RNF144A: variants seen among roughly 807,000 people sequenced by gnomAD.
RNF144A encodes ring finger protein 144A.
Under a neutral mutation model 38.7 loss-of-function variants are expected in RNF144A, and 11 were observed. That is an observed-to-expected ratio of 0.28 (90% CI 0.18 to 0.47). RNF144A has a LOEUF of 0.47. Among genes scored for constraint, RNF144A ranks in the 20% least tolerant of loss-of-function variants. The pLI is 0.99. For missense variants in RNF144A, 316 were observed against 377.2 expected (o/e 0.84, Z 1.34); for synonymous variants, 149 against 143.9 (o/e 1.04, Z -0.25).
At chr2:7,021,961 C>T (rs1220577529) in intron 6 of RNF144A, among the ~76,000 whole-genome samples, 6 of 152,244 alleles carry the variant, frequency 3.9e-5, no homozygotes, top group Non-Finnish European at 8.8e-5. Context: ...AATCAAAATT[C>T]AGAAATCTCA....
rs563495775 is a variant in RNF144A at position 7,019,789 on chromosome 2, A to G, written c.302-684A>G. 7.2e-5 allele frequency among the ~76,000 whole-genome samples: 11 copies of G among 152,374 alleles called. No individual in the cohort carries two copies. In the East Asian group the frequency reaches 2.1e-3, roughly 29 times the overall value. ...GTCAAAGTGTCTTGTTTTTAGAAAT[A>G]AACTTTGTGGCTAATTCCATTAAAT... On this transcript the variant is annotated intron_variant, in intron 5 of 8. Transcript: ENST00000320892.
chr2:6,936,895 C>T (rs956048010), intron 1 of RNF144A, among the ~76,000 whole-genome samples: 5 of 143,896 alleles, frequency 3.5e-5, no homozygotes, highest in African/African-American at 7.5e-5. Flanking sequence ...GGGCCAGGTG[C>T]GGTCTATAGG....
At chr2:6,976,497 C>T (rs1462779674) in intron 2 of RNF144A, among the ~76,000 whole-genome samples, 2 of 151,456 alleles carry the variant, frequency 1.3e-5, no homozygotes, top group Middle Eastern at 3.4e-3. Context: ...ATACATTTTG[C>T]AATGTTTTTC....
At chr2:7,017,085 G>A (rs1671186457) in intron 5 of RNF144A, among the ~76,000 whole-genome samples, 1 of 152,136 alleles carries the variant, frequency 6.6e-6, no homozygotes, top group Non-Finnish European at 1.5e-5. Flanking sequence ...AGGGGGTGTG[G>A]ATGCCTCTTG....
rs114811826 is a variant in RNF144A, at chr2:6,979,025, G to A, written c.-11-17891G>A. Among the ~76,000 whole-genome samples, 108 of 152,334 alleles carry A rather than the reference G, an allele frequency of 7.1e-4. 1 individual carries two copies. The highest frequency in any genetic ancestry group is 2.5e-3 in the African/African-American group (104 of 41,586). ...AGCTCATCTGCACTTGGTGGTCTCT[G>A]CAGCCAGGGTCAGAAAGTAGAGAGA... On this transcript the variant is annotated intron_variant, in intron 2 of 8. Coordinates refer to ENST00000320892, the MANE Select transcript of RNF144A (RefSeq NM_014746.6).
At chr2:6,930,568 T>C (rs1223301213) in intron 1 of RNF144A, among the ~76,000 whole-genome samples, 2 of 152,008 alleles carry the variant, frequency 1.3e-5, no homozygotes, top group Admixed American at 1.3e-4. Flanking sequence ...TCTATCTGTA[T>C]ATACATACAT....
chr2:7,001,412 C>A (rs1446152145), intron 3 of RNF144A, among the ~76,000 whole-genome samples: 1 of 152,062 alleles, frequency 6.6e-6, no homozygotes, highest in Non-Finnish European at 1.5e-5. Context: ...CACAGTGTCT[C>A]CTGCCTGTAA....
rs557515138 is a variant in RNF144A at position 6,994,638 on chromosome 2, A to T, written c.-11-2278A>T. Reference sequence around the variant, plus strand: ...GCCGTGTGACGCCTCCAATTATCTCACTCCTCAGGACCCACCAGCTTGAGG... The same window carrying T: ...GCCGTGTGACGCCTCCAATTATCTCTCTCCTCAGGACCCACCAGCTTGAGG... On this transcript the variant is annotated intron_variant, in intron 2 of 8. Transcript: ENST00000320892. Among the ~76,000 whole-genome samples the T allele has an allele frequency of 5.9e-5, 9 of 151,856 alleles. No individual in the cohort carries two copies. In the East Asian group the frequency reaches 1.7e-3, roughly 29 times the overall value.
chr2:7,012,047 C>T (rs771236903), intron 3 of RNF144A, among the ~76,000 whole-genome samples: 1 of 152,068 alleles, frequency 6.6e-6, no homozygotes, highest in Non-Finnish European at 1.5e-5. Flanking sequence ...TCTTAGGATG[C>T]GTCATGTTTT....
intron 6 of RNF144A, 51 bp downstream of exon 6, chr2:7,020,731 A>T: frequency 1.9e-6 from 3 of 1,539,424 alleles, no homozygotes; most frequent in Non-Finnish European, 2.7e-6. Flanking sequence ...GGGCCAGGAG[A>T]AGCAGGCATG....
At chr2:6,922,835 A>C (rs1664628310) in intron 1 of RNF144A, among the ~76,000 whole-genome samples, 1 of 152,134 alleles carries the variant, frequency 6.6e-6, no homozygotes, top group Non-Finnish European at 1.5e-5. Flanking sequence ...TGTGTTAGCC[A>C]GGATGGTGTT....
chr2:7,053,287 C>T (rs1673599207), intron 6 of RNF144A, among the ~76,000 whole-genome samples: 1 of 152,150 alleles, frequency 6.6e-6, no homozygotes, highest in African/African-American at 2.4e-5. Context: ...TTCAGAAGAT[C>T]CCCAGGTGAC....
intron 3 of RNF144A, among the ~76,000 whole-genome samples, chr2:7,013,972 G>A (rs1670977010): frequency 6.6e-6 from 1 of 152,200 alleles, no homozygotes; most frequent in African/African-American, 2.4e-5. Flanking sequence ...TACTATTTGT[G>A]TAAGTTGGCA....
At chr2:7,055,422 C>G (rs956882064) in intron 6 of RNF144A, among the ~76,000 whole-genome samples, 1 of 152,196 alleles carries the variant, frequency 6.6e-6, no homozygotes, top group Non-Finnish European at 1.5e-5. Context: ...CTACTCCTTC[C>G]CTGCAGCTCC....
chr2:6,954,201 T>A (rs1240067593), intron 2 of RNF144A, among the ~76,000 whole-genome samples: 1 of 152,150 alleles, frequency 6.6e-6, no homozygotes, highest in Non-Finnish European at 1.5e-5. Flanking sequence ...ATATTTGGAT[T>A]TTTTTCTTCA....
At chr2:6,932,063 C>T (rs1452355084) in intron 1 of RNF144A, among the ~76,000 whole-genome samples, 1 of 152,304 alleles carries the variant, frequency 6.6e-6, no homozygotes, top group East Asian at 1.9e-4. Flanking sequence ...CCCTGCAGTT[C>T]TGTCAGTTTT....
chr2:7,050,200 G>C (rs1363314303), intron 6 of RNF144A, among the ~76,000 whole-genome samples: 1 of 152,156 alleles, frequency 6.6e-6, no homozygotes, highest in Non-Finnish European at 1.5e-5. Context: ...CACACGTCCA[G>C]GGTGGCGCCA....
chr2:7,034,979 C>T (rs1040487768), intron 8 of RNF144A, among the ~76,000 whole-genome samples: 7 of 152,268 alleles, frequency 4.6e-5, no homozygotes, highest in Admixed American at 3.9e-4. Flanking sequence ...GGTTTTAGAG[C>T]AGCAGAATAA....
chr2:7,014,894 T>A, intron 5 of RNF144A, 122 bp downstream of exon 5: 1 of 700,026 alleles, frequency 1.4e-6, no homozygotes, highest in Non-Finnish European at 2.5e-6. Flanking sequence ...AAAGTTGATG[T>A]AAAATAAACT....
Sources: allele counts gnomAD v4.1 joint callset (sites outside exome capture counted in the v4.1 genomes callset), GRCh38; gene constraint gnomAD v4.1.1; transcripts MANE v1.5; gene names NCBI Gene and HGNC (gene_info 2026-07-23, HGNC 2026-07-21).